GRK7: variants seen among roughly 807,000 people sequenced by gnomAD.
GRK7 encodes the protein rhodopsin kinase GRK7.
In GRK7, 24 loss-of-function variants were observed where a neutral mutation model predicts 34.1. The ratio of observed to expected loss-of-function variants is 0.70; its 90% CI spans 0.51 to 0.99. The LOEUF is 0.99. Among genes scored for constraint, GRK7 ranks in the 50% least tolerant of loss-of-function variants. The pLI, the probability that GRK7 is intolerant of heterozygous loss-of-function variation, is 0.00. For missense variants in GRK7, 644 were observed against 707.3 expected (o/e 0.91, Z 1.02); for synonymous variants, 256 against 279.4 (o/e 0.92, Z 0.84).
chr3:141,811,133 G>A (rs1011105587), intron 5 of GRK7, among the ~76,000 whole-genome samples: 1 of 152,022 alleles, frequency 6.6e-6, no homozygotes, highest in Non-Finnish European at 1.5e-5. Context: ...TGGCCAACAT[G>A]ATGAAACCCC....
At chr3:141,800,251 T>C (rs1416614630) in intron 4 of GRK7, among the ~76,000 whole-genome samples, 3 of 151,790 alleles carry the variant, frequency 2.0e-5, no homozygotes, top group Non-Finnish European at 2.9e-5. Context: ...ACTTCTCAGG[T>C]GGGGTATGGA....
intron 4 of GRK7, among the ~76,000 whole-genome samples, chr3:141,797,286 G>GCT (rs1278304095): frequency 6.6e-6 from 1 of 152,214 alleles, no homozygotes; most frequent in Non-Finnish European, 1.5e-5. Context: ...GCCAGGGGCA[G>GCT]GAGCGGCCTC....
At chr3:141,803,523 C>A (rs546178649) in intron 4 of GRK7, among the ~76,000 whole-genome samples, 1 of 152,152 alleles carries the variant, frequency 6.6e-6, no homozygotes, top group Admixed American at 6.5e-5. Context: ...ATCCCATATC[C>A]TTCAGCAGTC....
rs1210177036 is a variant in GRK7 at position 141,764,475 on chromosome 3, C to T, written c.-1478C>T. Among the ~76,000 whole-genome samples the T allele has an allele frequency of 6.6e-6, 1 of 152,108 alleles. No individual in the cohort carries two copies. Among genetic ancestry groups the T allele is most frequent in the African/African-American group, 2.4e-5 (1 of 41,416 alleles). On this transcript the variant is annotated 5_prime_UTR_variant, in exon 1 of 6. Transcript: ENST00000682958. ...CCACTGACCTCTCAGCAGCATTTGCCGTAGTAATCACTGTTTTCTCCTTGA... is the reference window on the plus strand; with the variant it reads ...CCACTGACCTCTCAGCAGCATTTGCTGTAGTAATCACTGTTTTCTCCTTGA...
rs1332987481 is a variant in GRK7 at position 141,763,878 on chromosome 3, A to C, written c.-2075A>C. On this transcript the variant is annotated 5_prime_UTR_variant, in exon 1 of 6. Transcript: ENST00000682958. ...CCTCCGTCCTCTTCCCTTCCCTACA[A>C]ATTCCCTCCATTTTGTTTTCCCTAA... Among the ~76,000 whole-genome samples, 1 of 151,692 alleles carries C rather than the reference A, an allele frequency of 6.6e-6. No individual in the cohort carries two copies. The highest frequency in any genetic ancestry group is 1.5e-5 in the Non-Finnish European group (1 of 67,940).
At chr3:141,813,054 T>A (rs1186830416) in intron 5 of GRK7, among the ~76,000 whole-genome samples, 1 of 152,194 alleles carries the variant, frequency 6.6e-6, no homozygotes, top group Non-Finnish European at 1.5e-5. Context: ...ATCTGATACC[T>A]TTAAAAGGTG....
chr3:141,773,131 G>T (rs2084623685), intron 1 of GRK7, among the ~76,000 whole-genome samples: 1 of 52,674 alleles, frequency 1.9e-5, no homozygotes, highest in South Asian at 9.1e-4. Flanking sequence ...GCGAGACTTT[G>T]TCTCAAAAAA....
chr3:141,790,210 C>T (rs1448732028), intron 4 of GRK7, among the ~76,000 whole-genome samples: 1 of 152,192 alleles, frequency 6.6e-6, no homozygotes. Flanking sequence ...ACCGAGTTAA[C>T]CAGGGTGGTC....
At chr3:141,770,664 A>C (rs1026929382) in intron 1 of GRK7, among the ~76,000 whole-genome samples, 1 of 152,164 alleles carries the variant, frequency 6.6e-6, no homozygotes, top group African/African-American at 2.4e-5. Flanking sequence ...AATACTCATC[A>C]CCACTAATGA....
At position 141,780,251 on chromosome 3, in the gene GRK7, AT is replaced by A. The variant is rs2084665120; in HGVS notation, c.613-120del. ...CCACTTTTTCTTGAGAACACTTCTT[AT>A]TTACAGCTACTCCTTTCTCCAATGC... On this transcript the variant is annotated intron_variant, in intron 3 of 5. Transcript: ENST00000682958. 7.6e-6 allele frequency: 6 copies of A among 793,196 alleles called. No individual in the cohort carries two copies. In the East Asian group the frequency reaches 1.6e-4, roughly 21 times the overall value. 49.1% of individuals were successfully genotyped at this position (793,196 alleles called of 1,614,324 possible).
intron 1 of GRK7, among the ~76,000 whole-genome samples, chr3:141,771,361 A>G (rs2084616100): frequency 6.6e-6 from 1 of 152,224 alleles, no homozygotes. Context: ...AAAGTCAAAT[A>G]CAGCATGTAC....
chr3:141,807,530 C>T, intron 4 of GRK7, 115 bp from the exon 5 acceptor site: 3 of 954,612 alleles, frequency 3.1e-6, no homozygotes, highest in Non-Finnish European at 4.7e-6. Flanking sequence ...TTAGGGTTCC[C>T]TCAACAAGGG....
chr3:141,801,310 C>CAAAAAAA (rs55657739), intron 4 of GRK7, among the ~76,000 whole-genome samples: 89 of 69,994 alleles, frequency 1.3e-3, no homozygotes, highest in Non-Finnish European at 1.6e-3. Flanking sequence ...GACTCCGTCT[C>CAAAAAAA]AAAAAAAAAA....
At chr3:141,801,984 T>G (rs1470124120) in intron 4 of GRK7, among the ~76,000 whole-genome samples, 1 of 151,944 alleles carries the variant, frequency 6.6e-6, no homozygotes, top group African/African-American at 2.4e-5. Context: ...GAATGGACAT[T>G]AGGAGCAAAA....
intron 3 of GRK7, 130 bp downstream of exon 3, chr3:141,779,026 C>T (rs1559840628): frequency 1.1e-6 from 1 of 885,560 alleles, no homozygotes; most frequent in Admixed American, 2.9e-5. Context: ...GATTTCTAGC[C>T]CCGTCTCCCC....
upstream of GRK7, among the ~76,000 whole-genome samples, chr3:141,760,424 T>C (rs1341067413): frequency 2.9e-3 from 397 of 138,224 alleles, 1 homozygote; most frequent in Non-Finnish European, 4.8e-3. Flanking sequence ...GTTGAGCGGC[T>C]TTGAGTGAGA....
chr3:141,810,516 T>C (rs934811105), intron 5 of GRK7, among the ~76,000 whole-genome samples: 1 of 152,086 alleles, frequency 6.6e-6, no homozygotes, highest in Admixed American at 6.6e-5. Flanking sequence ...AATTATTTAT[T>C]ATTATTATTA....
intron 5 of GRK7, among the ~76,000 whole-genome samples, chr3:141,814,616 C>T (rs1711130247): frequency 6.6e-6 from 1 of 152,162 alleles, no homozygotes; most frequent in Non-Finnish European, 1.5e-5. Flanking sequence ...TTTCTTTATT[C>T]AATCCACCAT....
At chr3:141,815,780 G>C (rs1711146451) in intron 5 of GRK7, among the ~76,000 whole-genome samples, 1 of 151,114 alleles carries the variant, frequency 6.6e-6, no homozygotes, top group African/African-American at 2.4e-5. Flanking sequence ...AGACAGCCCT[G>C]TGGAGGCTCA....
Sources: gnomAD v4.1 joint callset for allele counts (sites outside exome capture counted in the v4.1 genomes callset) on GRCh38, gnomAD v4.1.1 for gene constraint, MANE v1.5 for transcripts, NCBI Gene and HGNC (gene_info 2026-07-23, HGNC 2026-07-21) for gene names.